Variants in MARCHF8 observed in about 807,000 individuals in gnomAD.
MARCHF8 encodes E3 ubiquitin-protein ligase MARCHF8.
MARCHF8 carries 40 observed loss-of-function variants against 51.6 expected under a neutral mutation model. The observed-to-expected ratio is 0.77, with a 90% CI of 0.60 to 1.01. The LOEUF is 1.01. Ranked by LOEUF, MARCHF8 falls within the 50% of genes least tolerant of loss-of-function variation. The pLI, the probability that MARCHF8 is intolerant of heterozygous loss-of-function variation, is 0.00. For missense variants in MARCHF8, 685 were observed against 708.6 expected (o/e 0.97, Z 0.38); for synonymous variants, 263 against 280.3 (o/e 0.94, Z 0.62).
intron 1 of MARCHF8, among the ~76,000 whole-genome samples, chr10:45,551,862 C>G (rs1345667035): frequency 6.6e-6 from 1 of 152,034 alleles, no homozygotes; most frequent in Middle Eastern, 3.2e-3. Context: ...CACACACACA[C>G]ACAGACACAC....
chr10:45,535,323 T>C lies in MARCHF8; in HGVS notation c.-191A>G, dbSNP rs2043956545. 1 of 152,214 alleles carries C rather than the reference T, an allele frequency of 6.6e-6. No homozygotes were observed. The highest frequency in any genetic ancestry group is 2.4e-5 in the African/African-American group (1 of 41,462). 9.4% of individuals were successfully genotyped at this position (152,214 alleles called of 1,614,324 possible). On this transcript the variant is annotated 5_prime_UTR_variant, in exon 1 of 8. Coordinates refer to ENST00000453424, the MANE Select transcript of MARCHF8 (RefSeq NM_001282866.2). ...CAGATGACAAACTCCATGGGGCCTC[T>C]TGGAATACTTGGTCAAACTGACGAT...
At chr10:45,557,521 GACA>G (rs955310136) in intron 1 of MARCHF8, among the ~76,000 whole-genome samples, 67 of 152,164 alleles carry the variant, frequency 4.4e-4, no homozygotes, top group African/African-American at 1.6e-3. Flanking sequence ...ATTATTTTCT[GACA>G]ATATACATTG....
At chr10:45,512,020 C>T (rs548908947) in intron 2 of MARCHF8, among the ~76,000 whole-genome samples, 7 of 151,068 alleles carry the variant, frequency 4.6e-5, no homozygotes, top group Non-Finnish European at 8.9e-5. Flanking sequence ...TCTTCCCGGC[C>T]GTCATCCCAT....
chr10:45,505,830 G>A (rs760497777), intron 2 of MARCHF8, among the ~76,000 whole-genome samples: 3 of 152,190 alleles, frequency 2.0e-5, no homozygotes, highest in African/African-American at 4.8e-5. Context: ...TTCTCACCAC[G>A]AATCAATTAA....
intron 2 of MARCHF8, among the ~76,000 whole-genome samples, chr10:45,505,809 C>CT (rs749935682): frequency 6.6e-5 from 10 of 152,174 alleles, no homozygotes; most frequent in Non-Finnish European, 1.3e-4. Flanking sequence ...TTCTGTTTGT[C>CT]TATTTGTCTG....
In MARCHF8 at chr10:45,482,033, G is replaced by A. The variant is rs141395037; in HGVS notation, c.153+7334C>T. On this transcript the variant is annotated intron_variant, in intron 3 of 7. Transcript: ENST00000453424. The stretch of plus-strand genomic sequence containing the variant: ...TTCTATACACCAATAATGAACTAGC[G>A]GAGAAAGAAATCAAAAAGGCAATCC... Among the ~76,000 whole-genome samples the A allele has an allele frequency of 5.2e-3, 793 of 151,970 alleles. 4 individuals carry two copies. The highest frequency in any genetic ancestry group is 0.028 in the South Asian group (136 of 4,816).
intron 2 of MARCHF8, among the ~76,000 whole-genome samples, chr10:45,494,821 C>A (rs887293892): frequency 6.6e-6 from 1 of 152,084 alleles, no homozygotes; most frequent in African/African-American, 2.4e-5. Flanking sequence ...CCCCTTTATC[C>A]TGTAAAAAAT....
intron 2 of MARCHF8, among the ~76,000 whole-genome samples, chr10:45,530,757 A>G (rs930148552): frequency 1.3e-5 from 2 of 152,222 alleles, no homozygotes; most frequent in African/African-American, 4.8e-5. Context: ...TGGGCAACAG[A>G]GCAAGATCTG....
intron 3 of MARCHF8, among the ~76,000 whole-genome samples, chr10:45,465,261 A>C (rs1400160524): frequency 1.3e-5 from 2 of 152,188 alleles, no homozygotes; most frequent in Non-Finnish European, 2.9e-5. Context: ...TTAAGACAGT[A>C]AGCCTGAGTA....
intron 6 of MARCHF8, chr10:45,460,956 T>C (rs920356177): frequency 3.6e-5 from 12 of 332,764 alleles, no homozygotes; most frequent in African/African-American, 2.3e-4. Context: ...ACAAACAGTC[T>C]GTAGTCAAAG....
At chr10:45,528,474 G>A (rs1233579825) in intron 2 of MARCHF8, among the ~76,000 whole-genome samples, 2 of 152,034 alleles carry the variant, frequency 1.3e-5, no homozygotes, top group African/African-American at 4.8e-5. Flanking sequence ...TTCTTTGTTT[G>A]TTTTTGAAAC....
chr10:45,538,592 CAT>C (rs1483661764), upstream of MARCHF8, among the ~76,000 whole-genome samples: 1 of 152,144 alleles, frequency 6.6e-6, no homozygotes, highest in Non-Finnish European at 1.5e-5. Context: ...TAGAGACACA[CAT>C]AGGCTCAAAA....
chr10:45,505,926 GA>G (rs779818924), intron 2 of MARCHF8, among the ~76,000 whole-genome samples: 3 of 152,160 alleles, frequency 2.0e-5, no homozygotes, highest in Non-Finnish European at 4.4e-5. Flanking sequence ...CCCCATAGTT[GA>G]AATTTCAGAA....
At chr10:45,560,174 T>C (rs2044293561) in intron 1 of MARCHF8, among the ~76,000 whole-genome samples, 1 of 151,878 alleles carries the variant, frequency 6.6e-6, no homozygotes, top group South Asian at 2.1e-4. Flanking sequence ...AAACGAGATA[T>C]GAAATAGAGA....
intron 2 of MARCHF8, among the ~76,000 whole-genome samples, chr10:45,530,862 C>G (rs2043868687): frequency 6.6e-6 from 1 of 152,004 alleles, no homozygotes; most frequent in Admixed American, 6.6e-5. Context: ...CACATGCCAA[C>G]AATGACAGAA....
In MARCHF8 at chr10:45,592,629, G is replaced by A. The variant is rs145546820; in HGVS notation, c.-79+1606C>T. Among the ~76,000 whole-genome samples the A allele has an allele frequency of 1.1e-3, 172 of 152,230 alleles. 1 individual carries two copies. Among genetic ancestry groups the A allele is most frequent in the African/African-American group, 4.0e-3 (167 of 41,532 alleles). ...TAGCAGAAATGGAACTACTACATAA[G>A]GGAAAAAGAAACAAACCACAAGTGA... is the stretch of plus-strand genomic sequence containing the variant. On this transcript the variant is annotated intron_variant, in intron 1 of 6. Coordinates refer to the MARCHF8 transcript ENST00000319836.
chr10:45,517,181 G>A (rs1050265059), intron 2 of MARCHF8, among the ~76,000 whole-genome samples: 4 of 152,188 alleles, frequency 2.6e-5, no homozygotes, highest in African/African-American at 9.6e-5. Context: ...ACTTAACCAA[G>A]TTATTAAAAA....
chr10:45,586,768 C>G (rs2044622866), intron 1 of MARCHF8, among the ~76,000 whole-genome samples: 1 of 151,832 alleles, frequency 6.6e-6, no homozygotes, highest in African/African-American at 2.4e-5. Context: ...TGAAGTTGCT[C>G]CACAAATTTT....
At chr10:45,490,899 G>A (rs2043068702) in intron 2 of MARCHF8, among the ~76,000 whole-genome samples, 1 of 152,136 alleles carries the variant, frequency 6.6e-6, no homozygotes, top group South Asian at 2.1e-4. Context: ...CAACATGTCT[G>A]ACTAAATACT....
Sources: allele counts gnomAD v4.1 joint callset (sites outside exome capture counted in the v4.1 genomes callset), GRCh38; gene constraint gnomAD v4.1.1; transcripts MANE v1.5; gene names NCBI Gene and HGNC (gene_info 2026-07-23, HGNC 2026-07-21).